The following CNTN5 variants were observed in gnomAD, a reference collection of about 807,000 sequenced individuals.
CNTN5 encodes contactin-5.
Under a neutral mutation model 129.1 loss-of-function variants are expected in CNTN5, and 77 were observed. The observed-to-expected ratio is 0.60, with a 90% CI of 0.50 to 0.72. The LOEUF is 0.72. CNTN5 is among the 30% of genes least tolerant of loss of function. CNTN5 has a pLI of 0.00. For missense variants in CNTN5, 1,478 were observed against 1,328.8 expected (o/e 1.11, Z -1.75); for synonymous variants, 509 against 465.6 (o/e 1.09, Z -1.20).
At chr11:99,643,309 C>T (rs1346166210) in intron 3 of CNTN5, among the ~76,000 whole-genome samples, 1 of 152,032 alleles carries the variant, frequency 6.6e-6, no homozygotes, top group Non-Finnish European at 1.5e-5. Context: ...AATACACATG[C>T]ACAGAGGTAA....
At chr11:99,856,936 G>A (rs1229831809) in intron 6 of CNTN5, among the ~76,000 whole-genome samples, 1 of 151,768 alleles carries the variant, frequency 6.6e-6, no homozygotes, top group Non-Finnish European at 1.5e-5. Flanking sequence ...TGCCTGCTGG[G>A]CAACTGTTCA....
chr11:99,693,033 A>G (rs1027020727), intron 3 of CNTN5, among the ~76,000 whole-genome samples: 6 of 152,170 alleles, frequency 3.9e-5, no homozygotes, highest in African/African-American at 7.2e-5. Flanking sequence ...CTAAAACAGG[A>G]AGTACATATA....
chr11:100,034,157 T>A (rs1941863516), intron 9 of CNTN5, among the ~76,000 whole-genome samples: 1 of 152,194 alleles, frequency 6.6e-6, no homozygotes. Flanking sequence ...ACTCTCAAGT[T>A]TTTAACTTCT....
chr11:99,790,176 CTT>C (rs1237684972), intron 3 of CNTN5, among the ~76,000 whole-genome samples: 1 of 151,856 alleles, frequency 6.6e-6, no homozygotes, highest in Non-Finnish European at 1.5e-5. Flanking sequence ...GCCACATTTT[CTT>C]TTTTAAAATT....
chr11:99,329,949 ACACACAC>A, intron 2 of CNTN5, among the ~76,000 whole-genome samples: 1 of 142,170 alleles, frequency 7.0e-6, no homozygotes, highest in Non-Finnish European at 1.5e-5. Context: ...ACACACACAC[ACACACAC>A]AATCCCTTAT....
At chr11:100,132,704 C>T (rs910149609) in intron 13 of CNTN5, among the ~76,000 whole-genome samples, 1 of 152,024 alleles carries the variant, frequency 6.6e-6, no homozygotes, top group African/African-American at 2.4e-5. Context: ...ATAAAATCCC[C>T]AAGTGTTTCA....
At position 99,961,285 on chromosome 11, in the gene CNTN5, A is replaced by C. The variant is rs80163051; in HGVS notation, c.877+4276A>C. On this transcript the variant is annotated intron_variant, in intron 8 of 24. Coordinates refer to ENST00000524871, the MANE Select transcript of CNTN5 (RefSeq NM_014361.4). ...ATAAGGGTTTCCATAAGAAGTGGGCATGTAGTTAAACATGGTGGACTGGAT... is the reference window on the plus strand; with the variant it reads ...ATAAGGGTTTCCATAAGAAGTGGGCCTGTAGTTAAACATGGTGGACTGGAT... 4.6e-5 allele frequency among the ~76,000 whole-genome samples: 7 copies of C among 151,494 alleles called. No individual in the cohort carries two copies. The South Asian group carries it at 1.5e-3, about 32-fold the overall frequency.
At chr11:99,977,515 T>C (rs1938065182) in intron 8 of CNTN5, among the ~76,000 whole-genome samples, 1 of 152,224 alleles carries the variant, frequency 6.6e-6, no homozygotes, top group South Asian at 2.1e-4. Flanking sequence ...TGGTTCTGCA[T>C]GGCTGAGAAG....
intron 3 of CNTN5, among the ~76,000 whole-genome samples, chr11:99,594,584 T>C (rs1174167542): frequency 6.6e-6 from 1 of 152,178 alleles, no homozygotes; most frequent in Non-Finnish European, 1.5e-5. Context: ...GATTTGTGGT[T>C]CACTTTGGCC....
intron 17 of CNTN5, among the ~76,000 whole-genome samples, chr11:100,257,389 A>G (rs1721173376): frequency 6.6e-6 from 1 of 152,218 alleles, no homozygotes; most frequent in Non-Finnish European, 1.5e-5. Flanking sequence ...CCCGCCTGCC[A>G]GCTCTGAAGA....
intron 13 of CNTN5, among the ~76,000 whole-genome samples, chr11:100,080,053 A>C (rs11222688): frequency 1.8e-4 from 28 of 152,098 alleles, no homozygotes. Context: ...TGATAAAGGT[A>C]TAGTTTATTT....
At chr11:99,638,951 C>G (rs1951665966) in intron 3 of CNTN5, among the ~76,000 whole-genome samples, 1 of 152,192 alleles carries the variant, frequency 6.6e-6, no homozygotes, top group Non-Finnish European at 1.5e-5. Context: ...CCAGTAGGGA[C>G]TTTGTGAAGG....
chr11:99,821,865 T>C lies in CNTN5; in HGVS notation c.277+2100T>C, dbSNP rs143117833. ...CTCTAGGCTGGTAACCAATTTAATATCATTTGGTCCTCTGCTAATCTAGTT... is the reference window on the plus strand; with the variant it reads ...CTCTAGGCTGGTAACCAATTTAATACCATTTGGTCCTCTGCTAATCTAGTT... On this transcript the variant is annotated intron_variant, in intron 4 of 24. Coordinates refer to ENST00000524871, the MANE Select transcript of CNTN5 (RefSeq NM_014361.4). Among the ~76,000 whole-genome samples the C allele has an allele frequency of 6.1e-3, 928 of 152,306 alleles. 14 individuals carry two copies. Among genetic ancestry groups the C allele is most frequent in the African/African-American group, 0.021 (891 of 41,560 alleles).
chr11:99,822,085 C>G (rs755214636), intron 4 of CNTN5, among the ~76,000 whole-genome samples: 2 of 152,044 alleles, frequency 1.3e-5, no homozygotes, highest in Non-Finnish European at 2.9e-5. Flanking sequence ...GAGAGTAAAG[C>G]TGAGGTTGAC....
Position 99,116,100 on chromosome 11 carries a change from G to T in CNTN5, c.-210+94830G>T, listed in dbSNP as rs913785026. On this transcript the variant is annotated intron_variant, in intron 1 of 24. Transcript: ENST00000524871. Reference sequence around the variant, plus strand: ...TTGATAATTTTTACCCTAGAATGAGGTTGCATTCATTTCTTCACAATATAG... The same window carrying T: ...TTGATAATTTTTACCCTAGAATGAGTTTGCATTCATTTCTTCACAATATAG... 3.3e-5 allele frequency among the ~76,000 whole-genome samples: 5 copies of T among 152,180 alleles called. No homozygotes were observed. In the South Asian group the frequency reaches 8.3e-4, roughly 25 times the overall value.
In CNTN5 at chr11:99,782,064, A is replaced by G. The variant is rs796447859; in HGVS notation, c.56-37480A>G. ...CCCTGTTTGCAGACGACATGATTGT[A>G]TATCTAGAAAACCCCATCGTCTCAG... is the stretch of plus-strand genomic sequence containing the variant. On this transcript the variant is annotated intron_variant, in intron 3 of 24. Coordinates refer to ENST00000524871, the MANE Select transcript of CNTN5 (RefSeq NM_014361.4). Among the ~76,000 whole-genome samples, 722 of 151,110 alleles carry G rather than the reference A, an allele frequency of 4.8e-3. 8 individuals are homozygous for G. The highest frequency in any genetic ancestry group is 0.014 in the African/African-American group (579 of 41,082).
intron 17 of CNTN5, 55 bp downstream of exon 17, chr11:100,255,973 A>T (rs1950060255): frequency 1.3e-6 from 2 of 1,511,584 alleles, no homozygotes; most frequent in Non-Finnish European, 1.8e-6. Context: ...CTATCTCATA[A>T]GCTATATTTG....
chr11:99,736,998 T>C (rs1477162328), intron 3 of CNTN5, among the ~76,000 whole-genome samples: 1 of 152,160 alleles, frequency 6.6e-6, no homozygotes, highest in East Asian at 1.9e-4. Flanking sequence ...CCAAGCACAG[T>C]GAACTTAGCA....
chr11:99,333,127 C>T (rs1436352597), intron 2 of CNTN5, among the ~76,000 whole-genome samples: 1 of 151,912 alleles, frequency 6.6e-6, no homozygotes, highest in East Asian at 1.9e-4. Flanking sequence ...ATTCTATTAC[C>T]ATGATTGCAA....
Sources: gnomAD v4.1 joint callset for allele counts (sites outside exome capture counted in the v4.1 genomes callset) on GRCh38, gnomAD v4.1.1 for gene constraint, MANE v1.5 for transcripts, NCBI Gene and HGNC (gene_info 2026-07-23, HGNC 2026-07-21) for gene names.